The following CELF4 variants were observed in gnomAD, a reference collection of about 807,000 sequenced individuals.
CELF4 encodes the protein CUGBP Elav-like family member 4.
Under a neutral mutation model 59.9 loss-of-function variants are expected in CELF4, and 18 were observed. The ratio of observed to expected loss-of-function variants is 0.30; its 90% confidence interval spans 0.21 to 0.45. The LOEUF is 0.45. Ranked by LOEUF, CELF4 falls within the 20% of genes least tolerant of loss-of-function variation. The pLI is 1.00. For missense variants in CELF4, 456 were observed against 689.0 expected, an observed-to-expected ratio of 0.66 and a Z score of 3.79; for synonymous variants, 261 against 267.1, an observed-to-expected ratio of 0.98 and a Z score of 0.22.
At chr18:37,277,474 G>A (rs2093505061) in intron 3 of CELF4, among the ~76,000 whole-genome samples, 1 of 152,200 alleles carries the variant, frequency 6.6e-6, no homozygotes, top group Non-Finnish European at 1.5e-5. Flanking sequence ...AGAGAGAGAG[G>A]GAGGGTGGAA....
At chr18:37,256,273 A>G (rs569645194) in intron 11 of CELF4, among the ~76,000 whole-genome samples, 1 of 152,324 alleles carries the variant, frequency 6.6e-6, no homozygotes, top group South Asian at 2.1e-4. Context: ...CATTTGTGCT[A>G]GACATGCCCT....
chr18:37,510,618 C>T (rs1308796280), intron 1 of CELF4, among the ~76,000 whole-genome samples: 3 of 152,236 alleles, frequency 2.0e-5, no homozygotes, highest in Non-Finnish European at 2.9e-5. Flanking sequence ...GCCCTTGCCC[C>T]GCCTTTCTAC....
intron 1 of CELF4, among the ~76,000 whole-genome samples, chr18:37,513,941 CGTGTGTGTGTGTGTGTGTGT>C (rs5824070): frequency 0.023 from 3,307 of 144,338 alleles, 128 homozygotes; most frequent in African/African-American, 0.079. Flanking sequence ...TGTGTGGTGC[CGTGTGTGTGTGTGTGTGTGT>C]GTGTGTGTGT....
rs1557422716 is a variant in CELF4 at position 37,423,064 on chromosome 18, G to GCGCA, written c.369+62460_369+62461insTGCG. Among the ~76,000 whole-genome samples the GCGCA allele has an allele frequency of 3.4e-3, 506 of 150,520 alleles. 2 individuals are homozygous for GCGCA. Among genetic ancestry groups the GCGCA allele is most frequent in the African/African-American group, 0.01 (430 of 41,012 alleles). On this transcript the variant is annotated intron_variant, in intron 2 of 12. Transcript: ENST00000420428. ...TACACATAGACACATGCGCGCGCGC[G>GCGCA]CACACACACACACACACAGAGACAG...
chr18:37,383,260 CT>C (rs1357930188), intron 2 of CELF4, among the ~76,000 whole-genome samples: 1 of 152,086 alleles, frequency 6.6e-6, no homozygotes, highest in African/African-American at 2.4e-5. Flanking sequence ...GCAGCGGCCA[CT>C]GGGTGAAGCA....
chr18:37,268,126 T>C (rs939476290), intron 8 of CELF4, among the ~76,000 whole-genome samples: 5 of 152,050 alleles, frequency 3.3e-5, no homozygotes, highest in Admixed American at 6.6e-5. Flanking sequence ...GACAGTAGGT[T>C]CTATAGCCCC....
chr18:37,476,646 G>A (rs1025263461), intron 2 of CELF4, among the ~76,000 whole-genome samples: 1 of 152,198 alleles, frequency 6.6e-6, no homozygotes, highest in African/African-American at 2.4e-5. Flanking sequence ...CAACAAAGAC[G>A]TGTCCTTCTG....
At chr18:37,352,846 C>G (rs1005834319) in intron 2 of CELF4, among the ~76,000 whole-genome samples, 1 of 152,106 alleles carries the variant, frequency 6.6e-6, no homozygotes, top group African/African-American at 2.4e-5. Context: ...TCTGGGGAGA[C>G]AGACACCAAG....
intron 2 of CELF4, among the ~76,000 whole-genome samples, chr18:37,324,535 G>A (rs498499): frequency 0.53 from 80,780 of 152,036 alleles, 21,973 homozygotes; most frequent in East Asian, 0.76. Context: ...ATACATTTCC[G>A]TTGTTTAAGC....
Position 37,244,614 on chromosome 18 carries a change from C to A in CELF4, c.*628G>T, listed in dbSNP as rs2154243324. On this transcript the variant is annotated 3_prime_UTR_variant, in exon 13 of 13. Transcript: ENST00000420428. ...TTTTTAATTTTTTATTACATTTTTT[C>A]ATAGAATCGCTCTAAGCTGTTTCAA... The A allele has an allele frequency of 6.7e-6, 1 of 149,168 alleles. No homozygotes were observed. Among genetic ancestry groups the A allele is most frequent in the African/African-American group, 2.5e-5 (1 of 40,482 alleles). The allele number at this position is 149,168 out of a possible 1,614,324, so 9.2% of individuals were successfully genotyped here. A position where few individuals can be genotyped will look rare whatever the true frequency, so the allele number is the denominator to read the frequency against.
chr18:37,470,875 T>TGAGAGAGA (rs2099819653), intron 2 of CELF4, among the ~76,000 whole-genome samples: 1 of 102,026 alleles, frequency 9.8e-6, no homozygotes, highest in Non-Finnish European at 2.0e-5. Context: ...TGTGTGTGTG[T>TGAGAGAGA]GTGTGTGTGT....
intron 2 of CELF4, among the ~76,000 whole-genome samples, chr18:37,483,029 C>A (rs1268710948): frequency 6.6e-6 from 1 of 152,072 alleles, no homozygotes; most frequent in East Asian, 1.9e-4. Flanking sequence ...GTGTGGTCAC[C>A]CCAGACAAGA....
chr18:37,483,318 C>T (rs1266093923), intron 2 of CELF4, among the ~76,000 whole-genome samples: 1 of 152,174 alleles, frequency 6.6e-6, no homozygotes, highest in Non-Finnish European at 1.5e-5. Flanking sequence ...AGACAATGTG[C>T]CCTCGGAACT....
intron 2 of CELF4, among the ~76,000 whole-genome samples, chr18:37,377,227 GC>G (rs2098981338): frequency 6.6e-6 from 1 of 152,148 alleles, no homozygotes; most frequent in Non-Finnish European, 1.5e-5. Context: ...AGCAGGGCTG[GC>G]AGGTGCAGGG....
At chr18:37,544,791 C>T (rs546921307) in intron 1 of CELF4, among the ~76,000 whole-genome samples, 5 of 152,202 alleles carry the variant, frequency 3.3e-5, no homozygotes, top group South Asian at 2.1e-4. Flanking sequence ...GTCATTCCCC[C>T]GAGGAAGAAA....
chr18:37,343,166 G>A (rs1444458003), intron 2 of CELF4, among the ~76,000 whole-genome samples: 2 of 152,238 alleles, frequency 1.3e-5, no homozygotes, highest in South Asian at 4.1e-4. Flanking sequence ...GCTAGCAGCA[G>A]TGTCTTCTAC....
In CELF4 at chr18:37,254,016, A is replaced by C; in HGVS notation, c.1334-78T>G. Reference sequence around the variant, plus strand: ...GCTGCCGGCGGGGAGGGGTCGGGGGACAGGGGGGCGGGGCGGGCCTGAGGC... The same window carrying C: ...GCTGCCGGCGGGGAGGGGTCGGGGGCCAGGGGGGCGGGGCGGGCCTGAGGC... On this transcript the variant is annotated intron_variant, in intron 11 of 12. Coordinates refer to ENST00000420428, the MANE Select transcript of CELF4 (RefSeq NM_020180.4). This position sits in a 1 kb window ranked among gnomAD's most constrained non-coding sequence, Gnocchi z 5.1. 7.7e-6 allele frequency: 3 copies of C among 391,236 alleles called. No homozygotes were observed. The highest frequency in any genetic ancestry group is 1.4e-5 in the Non-Finnish European group (3 of 221,798). 24.2% of individuals were successfully genotyped at this position (391,236 alleles called of 1,614,324 possible). A position where few individuals can be genotyped will look rare whatever the true frequency, so the allele number is the denominator to read the frequency against.
intron 2 of CELF4, among the ~76,000 whole-genome samples, chr18:37,397,207 G>A (rs1437138966): frequency 1.3e-5 from 2 of 152,164 alleles, no homozygotes; most frequent in Non-Finnish European, 2.9e-5. Flanking sequence ...TCTGCCTCTC[G>A]ACTCCCTGAA....
intron 3 of CELF4, among the ~76,000 whole-genome samples, chr18:37,292,431 G>A (rs898807181): frequency 3.9e-5 from 6 of 152,302 alleles, no homozygotes; most frequent in African/African-American, 1.4e-4. Context: ...GACCTTCCTG[G>A]GGCCCTTAAA....
Sources: allele counts gnomAD v4.1 joint callset (sites outside exome capture counted in the v4.1 genomes callset), GRCh38; gene constraint gnomAD v4.1.1; non-coding constraint Gnocchi (gnomAD v3.1); transcripts MANE v1.5; gene names NCBI Gene and HGNC (gene_info 2026-07-23, HGNC 2026-07-21).